The following ZNF479 variants were observed in gnomAD, a reference collection of about 807,000 sequenced individuals.
ZNF479 encodes the protein KRAB zinc finger protein KR19.
Under a neutral mutation model 14.7 loss-of-function variants are expected in ZNF479, and 15 were observed. The ratio of observed to expected loss-of-function variants is 1.02; its 90% CI spans 0.68 to 1.57. The LOEUF (loss-of-function observed/expected upper bound fraction) is 1.57. Ranked by LOEUF, ZNF479 falls within the 40% of genes most tolerant of loss-of-function variation. The probability of loss-of-function intolerance (pLI) is 0.00; values close to 1 mark genes in which losing one functional copy is unlikely to be tolerated. For missense variants in ZNF479, 506 were observed against 615.1 expected, an observed-to-expected ratio of 0.82 and a Z score of 1.88; for synonymous variants, 145 against 211.5, an observed-to-expected ratio of 0.69 and a Z score of 2.73.
At position 57,119,150 on chromosome 7, in the gene ZNF479, C is replaced by T. The variant is rs1554399519; in HGVS notation, c.*690G>A. Among the ~76,000 whole-genome samples, 2 of 152,114 alleles carry T rather than the reference C, an allele frequency of 1.3e-5. No individual in the cohort carries two copies. Among genetic ancestry groups the T allele is most frequent in the Non-Finnish European group, 2.9e-5 (2 of 68,024 alleles). ...TTTGAGGACTTTTTAAAGACATTAC[C>T]ATATTCCTTATTGTAGGGTTTCTCT... On this transcript the variant is annotated 3_prime_UTR_variant, in exon 4 of 4. Transcript: ENST00000319636.
chr7:57,126,800 A>C, intron 1 of ZNF479, 82 bp from the exon 2 acceptor site: 2 of 1,516,686 alleles, frequency 1.3e-6, no homozygotes, highest in Admixed American at 2.0e-5. Flanking sequence ...TATTTGACTC[A>C]AGTTAAAAAA....
intron 1 of ZNF479, 130 bp downstream of exon 1, chr7:57,132,156 G>C: frequency 6.5e-7 from 1 of 1,539,866 alleles, no homozygotes; most frequent in Non-Finnish European, 8.9e-7. Flanking sequence ...GAGCCGAGCT[G>C]GGCCAAAGAG....
intron 3 of ZNF479, among the ~76,000 whole-genome samples, chr7:57,124,166 T>C (rs1786061697): frequency 6.6e-6 from 1 of 151,942 alleles, no homozygotes; most frequent in African/African-American, 2.4e-5. Context: ...GAACCAAATC[T>C]AGAGAAACAC....
intron 3 of ZNF479, among the ~76,000 whole-genome samples, chr7:57,123,189 C>A (rs1218665797): frequency 1.3e-5 from 2 of 152,078 alleles, no homozygotes; most frequent in African/African-American, 4.8e-5. Context: ...TAGTGGAAGG[C>A]AAAGAAGAAC....
At chr7:57,130,573 A>G (rs915000666) in intron 1 of ZNF479, among the ~76,000 whole-genome samples, 1 of 152,232 alleles carries the variant, frequency 6.6e-6, no homozygotes, top group South Asian at 2.1e-4. Context: ...TAATTCAAAT[A>G]AAAACAATTA....
upstream of ZNF479, among the ~76,000 whole-genome samples, chr7:57,137,234 C>T (rs1237644982): frequency 3.3e-5 from 5 of 152,128 alleles, no homozygotes; most frequent in Non-Finnish European, 7.3e-5. Flanking sequence ...CTCGCAAGAC[C>T]AAGAAATTCT....
At chr7:57,132,166 G>C in intron 1 of ZNF479, 120 bp downstream of exon 1, 2 of 1,574,482 alleles carry the variant, frequency 1.3e-6, no homozygotes, top group Non-Finnish European at 1.7e-6. Context: ...GGGCCAAAGA[G>C]GATTTGGGTC....
At chr7:57,127,519 A>G (rs1005522178) in intron 1 of ZNF479, 59 of 983,232 alleles carry the variant, frequency 6.0e-5, no homozygotes, top group Non-Finnish European at 6.9e-5. Flanking sequence ...AAGCTCACCA[A>G]TGTTTCTAGC....
Position 57,121,203 on chromosome 7 carries a change from T to C in ZNF479, c.263-51A>G, listed in dbSNP as rs527995797. ...ACTCCACTTTCTGGACTCATATAAA[T>C]ATATTCTACACATGAAATATATAAA... On this transcript the variant is annotated intron_variant, in intron 3 of 3. Transcript: ENST00000319636. 4.5e-5 allele frequency: 72 copies of C among 1,612,426 alleles called. 1 individual carries two copies. In the Middle Eastern group the frequency reaches 2.2e-3, roughly 48 times the overall value.
intron 2 of ZNF479, 75 bp downstream of exon 2, chr7:57,126,517 A>G: frequency 7.1e-7 from 1 of 1,414,524 alleles, no homozygotes; most frequent in Non-Finnish European, 9.7e-7. Flanking sequence ...ATTCATGCAA[A>G]GCAGAAATTA....
rs1232162813 is a variant in ZNF479, at chr7:57,118,570, C to T, written c.*1270G>A. On this transcript the variant is annotated 3_prime_UTR_variant, in exon 4 of 4. Transcript: ENST00000319636. ...TATTTTTAGTAGAGATGGAGTTTCA[C>T]CATGTTGGCCAGGCTGGTCTTGAAC... Among the ~76,000 whole-genome samples, 3 of 152,186 alleles carry T rather than the reference C, an allele frequency of 2.0e-5. No individual in the cohort carries two copies. Among genetic ancestry groups the T allele is most frequent in the Middle Eastern group, 3.2e-3 (1 of 316 alleles).
At chr7:57,132,459 G>T, upstream of ZNF479, 4 of 1,370,170 alleles carry the variant, frequency 2.9e-6, no homozygotes, top group Non-Finnish European at 4.1e-6. Context: ...TACGGAAGTA[G>T]CCTGTTCTTT....
At chr7:57,131,172 T>C (rs62464819) in intron 1 of ZNF479, among the ~76,000 whole-genome samples, 43,305 of 151,902 alleles carry the variant, frequency 0.29, 7,127 homozygotes, top group East Asian at 0.53. Flanking sequence ...TACTTAGTAC[T>C]TGAGTGATAA....
At chr7:57,122,763 A>C (rs188827057) in intron 3 of ZNF479, among the ~76,000 whole-genome samples, 182 of 152,268 alleles carry the variant, frequency 1.2e-3, no homozygotes, top group African/African-American at 3.8e-3. Context: ...AAATGAGTCG[A>C]TTACTAGAAT....
chr7:57,132,479 A>T (rs1257249432), upstream of ZNF479: 8 of 1,177,134 alleles, frequency 6.8e-6, no homozygotes, highest in Admixed American at 8.4e-5. Context: ...TCCAGCTGCA[A>T]GCCTGATTGG....
chr7:57,135,523 C>T (rs186346554), upstream of ZNF479, among the ~76,000 whole-genome samples: 36 of 152,260 alleles, frequency 2.4e-4, no homozygotes, highest in East Asian at 6.8e-3. Flanking sequence ...ACCGATTCTC[C>T]TTCCTCAGCT....
intron 3 of ZNF479, among the ~76,000 whole-genome samples, chr7:57,125,682 T>A (rs887415126): frequency 6.6e-6 from 1 of 151,698 alleles, no homozygotes; most frequent in Admixed American, 6.6e-5. Context: ...ATTTTAATGG[T>A]TTAGAGTTTT....
upstream of ZNF479, among the ~76,000 whole-genome samples, chr7:57,134,126 G>A (rs1786543482): frequency 6.6e-6 from 1 of 152,136 alleles, no homozygotes; most frequent in Non-Finnish European, 1.5e-5. Context: ...TCTGGAATAG[G>A]TGCTGGGTAA....
At chr7:57,129,075 A>G (rs1786306493) in intron 1 of ZNF479, among the ~76,000 whole-genome samples, 1 of 152,156 alleles carries the variant, frequency 6.6e-6, no homozygotes, top group Non-Finnish European at 1.5e-5. Context: ...GCAATGAGAG[A>G]ACAACAAGCT....
Sources: gnomAD v4.1 joint callset for allele counts (sites outside exome capture counted in the v4.1 genomes callset) on GRCh38, gnomAD v4.1.1 for gene constraint, MANE v1.5 for transcripts, NCBI Gene and HGNC (gene_info 2026-07-23, HGNC 2026-07-21) for gene names.